Variants in CHODL observed in about 807,000 individuals in gnomAD.
CHODL encodes the protein transmembrane protein MT75.
CHODL carries 29 observed loss-of-function variants against 34.5 expected under a neutral mutation model. The ratio of observed to expected loss-of-function variants is 0.84; its 90% CI spans 0.63 to 1.15. The LOEUF (loss-of-function observed/expected upper bound fraction) is 1.15. Among genes scored for constraint, CHODL ranks in the 50% most tolerant of loss-of-function variants. The pLI is 0.00. For missense variants in CHODL, 332 were observed against 332.5 expected (o/e 1.00, Z 0.01); for synonymous variants, 125 against 116.1 (o/e 1.08, Z -0.49).
intron 2 of CHODL, among the ~76,000 whole-genome samples, chr21:18,152,321 A>G (rs1431943896): frequency 6.6e-6 from 1 of 152,206 alleles, no homozygotes; most frequent in Non-Finnish European, 1.5e-5. Flanking sequence ...TTGCATATCA[A>G]ATTAACTATC....
intron 2 of CHODL, among the ~76,000 whole-genome samples, chr21:18,193,497 C>T (rs1304537729): frequency 2.0e-5 from 3 of 151,694 alleles, no homozygotes; most frequent in Non-Finnish European, 2.9e-5. Flanking sequence ...AGTTTGAGAC[C>T]ATCCTGCCCA....
chr21:18,141,217 C>G (rs1346289566), intron 2 of CHODL, among the ~76,000 whole-genome samples: 2 of 151,960 alleles, frequency 1.3e-5, no homozygotes, highest in African/African-American at 4.8e-5. Context: ...CAAGTAAAGG[C>G]TAAACTTACT....
intron 2 of CHODL, among the ~76,000 whole-genome samples, chr21:18,185,870 T>G (rs1046920202): frequency 3.3e-5 from 5 of 152,112 alleles, no homozygotes; most frequent in Non-Finnish European, 5.9e-5. Context: ...CTGTCTAGGG[T>G]CTCTCATAAA....
At chr21:18,183,741 T>C (rs1601117337) in intron 2 of CHODL, among the ~76,000 whole-genome samples, 1 of 152,114 alleles carries the variant, frequency 6.6e-6, no homozygotes, top group East Asian at 1.9e-4. Flanking sequence ...AGATCGAGTG[T>C]TTTTCATGGT....
chr21:18,225,428 A>T (rs1295016470), intron 2 of CHODL, among the ~76,000 whole-genome samples: 1 of 152,152 alleles, frequency 6.6e-6, no homozygotes, highest in African/African-American at 2.4e-5. Context: ...AAAAAATCTG[A>T]TAAAACTGTG....
intron 2 of CHODL, among the ~76,000 whole-genome samples, chr21:18,196,362 T>G (rs538120142): frequency 1.3e-5 from 2 of 152,312 alleles, no homozygotes; most frequent in East Asian, 3.9e-4. Context: ...TTCTAAATCT[T>G]AGGAAATTTT....
rs528779796 is a variant in CHODL, at chr21:17,955,208, T to C, written c.-145+37808T>C. 1.5e-5 allele frequency among the ~76,000 whole-genome samples: 2 copies of C among 137,310 alleles called. 1 individual carries two copies. Among genetic ancestry groups the C allele is most frequent in the East Asian group, 4.3e-4 (2 of 4,618 alleles). 90.1% of individuals were successfully genotyped at this position (137,310 alleles called of 152,430 possible). On this transcript the variant is annotated intron_variant, in intron 1 of 6. Transcript: ENST00000400127. ...CCACCTTAAAAATGATAATTTCTTT[T>C]TTCACTGAAATAATCTTACCTGCCT... is the stretch of plus-strand genomic sequence containing the variant.
rs532127254 is a variant in CHODL at position 18,251,198 on chromosome 21, A to G, written c.80-5311A>G. ...AATAGTTAGCTCTATAGAAATTTTAATGGCTAAGGAAAAAGACAAAAATCA... is the reference window on the plus strand; with the variant it reads ...AATAGTTAGCTCTATAGAAATTTTAGTGGCTAAGGAAAAAGACAAAAATCA... On this transcript the variant is annotated intron_variant, in intron 1 of 5. Transcript: ENST00000299295. Among the ~76,000 whole-genome samples, 44 of 150,710 alleles carry G rather than the reference A, an allele frequency of 2.9e-4. 1 individual carries two copies. Among genetic ancestry groups the G allele is most frequent in the African/African-American group, 9.2e-4 (38 of 41,362 alleles).
At chr21:17,980,135 A>C (rs1235194593) in intron 1 of CHODL, among the ~76,000 whole-genome samples, 2 of 147,170 alleles carry the variant, frequency 1.4e-5, no homozygotes, top group Admixed American at 6.8e-5. Flanking sequence ...CTGTTATATC[A>C]GTTTTCCATC....
chr21:17,923,365 A>C (rs1015879234), intron 1 of CHODL, among the ~76,000 whole-genome samples: 15 of 149,452 alleles, frequency 1.0e-4, no homozygotes, highest in African/African-American at 3.4e-4. Flanking sequence ...TCAATTTTAC[A>C]GATTTGTAAA....
chr21:18,130,350 A>G (rs2072639886), intron 2 of CHODL, among the ~76,000 whole-genome samples: 1 of 152,218 alleles, frequency 6.6e-6, no homozygotes. Flanking sequence ...ATTGTCATCC[A>G]CATAGGTGGC....
Position 18,213,755 on chromosome 21 carries a change from A to G in CHODL, c.-44-42754A>G, listed in dbSNP as rs555392674. Reference sequence around the variant, plus strand: ...ATGGAGATTTCAATTAGGACTGTATACAAGTATAGGGGTTTTTATCTATAA... The same window carrying G: ...ATGGAGATTTCAATTAGGACTGTATGCAAGTATAGGGGTTTTTATCTATAA... On this transcript the variant is annotated intron_variant, in intron 2 of 6. Coordinates refer to the CHODL transcript ENST00000400127. Among the ~76,000 whole-genome samples the G allele has an allele frequency of 2.6e-5, 4 of 152,192 alleles. No individual in the cohort carries two copies. The East Asian group carries it at 7.7e-4, about 29-fold the overall frequency.
intron 5 of CHODL, among the ~76,000 whole-genome samples, chr21:18,264,194 G>GGA (rs1245493186): frequency 6.6e-6 from 1 of 152,108 alleles, no homozygotes; most frequent in East Asian, 1.9e-4. Context: ...GAGGGGATGG[G>GGA]GAGACGCCTG....
At chr21:18,229,906 G>A (rs2073963797) in intron 2 of CHODL, among the ~76,000 whole-genome samples, 1 of 152,076 alleles carries the variant, frequency 6.6e-6, no homozygotes, top group African/African-American at 2.4e-5. Flanking sequence ...AAGTTTCCTG[G>A]TCACCTACAT....
chr21:18,013,123 T>C (rs158068), intron 1 of CHODL, among the ~76,000 whole-genome samples: 4,465 of 152,256 alleles, frequency 0.029, 206 homozygotes, highest in African/African-American at 0.099. Flanking sequence ...TTTTTCCAAT[T>C]ACTTGCCCAG....
At chr21:18,083,050 G>T (rs1187025954) in intron 2 of CHODL, among the ~76,000 whole-genome samples, 1 of 152,180 alleles carries the variant, frequency 6.6e-6, no homozygotes, top group Non-Finnish European at 1.5e-5. Flanking sequence ...CAGAGATCTT[G>T]ACAGCAGTCC....
chr21:18,233,045 A>G (rs925302515), intron 2 of CHODL, among the ~76,000 whole-genome samples: 1 of 150,414 alleles, frequency 6.6e-6, no homozygotes, highest in African/African-American at 2.5e-5. Context: ...GCTAATTAAC[A>G]TATCAATAAC....
chr21:17,977,728 C>A (rs1172997317), intron 1 of CHODL, among the ~76,000 whole-genome samples: 5 of 149,128 alleles, frequency 3.4e-5, no homozygotes, highest in African/African-American at 1.2e-4. Flanking sequence ...ACCATCCTGG[C>A]CAACATGGTG....
chr21:17,977,737 T>G (rs1298544831), intron 1 of CHODL, among the ~76,000 whole-genome samples: 1 of 148,594 alleles, frequency 6.7e-6, no homozygotes, highest in East Asian at 2.0e-4. Context: ...GCCAACATGG[T>G]GAAACTCTGT....
Sources: gnomAD v4.1 joint callset for allele counts (sites outside exome capture counted in the v4.1 genomes callset) on GRCh38, gnomAD v4.1.1 for gene constraint, MANE v1.5 for transcripts, NCBI Gene and HGNC (gene_info 2026-07-23, HGNC 2026-07-21) for gene names.